Variants in TEX36 observed in about 807,000 individuals in gnomAD.
TEX36 encodes testis expressed 36.
TEX36 carries 12 observed loss-of-function variants against 13.6 expected under a neutral mutation model. That is an observed-to-expected ratio of 0.88 (90% confidence interval 0.56 to 1.43). The LOEUF (loss-of-function observed/expected upper bound fraction) is 1.43. Among genes scored for constraint, TEX36 ranks in the 40% most tolerant of loss-of-function variants. The pLI, the probability that TEX36 is intolerant of heterozygous loss-of-function variation, is 0.00. For synonymous variants in TEX36, 93 were observed against 83.0 expected, an observed-to-expected ratio of 1.12 and a Z score of -0.65; for missense variants, 224 against 228.3, an observed-to-expected ratio of 0.98 and a Z score of 0.12.
At position 125,683,043 on chromosome 10, in the gene TEX36, C is replaced by G; in HGVS notation, c.-54G>C. 1.3e-6 allele frequency: 2 copies of G among 1,541,968 alleles called. No individual in the cohort carries two copies. The highest frequency in any genetic ancestry group is 1.8e-6 in the Non-Finnish European group (2 of 1,138,128). On this transcript the variant is annotated 5_prime_UTR_variant, in exon 1 of 4. Coordinates refer to ENST00000368821, the MANE Select transcript of TEX36 (RefSeq NM_001128202.3). ...ATTGGCTCCCTCACCTCTCCATAAG[C>G]TCTACATGTCTGGGAAGCTGCTTCC...
intron 3 of TEX36, among the ~76,000 whole-genome samples, chr10:125,600,404 CA>C (rs1301523426): frequency 2.0e-5 from 3 of 151,982 alleles, no homozygotes; most frequent in East Asian, 1.9e-4. Flanking sequence ...TGGGAGTGAT[CA>C]GGGGGGTCTC....
Position 125,610,999 on chromosome 10 carries a change from T to A in TEX36, c.265-34125A>T, listed in dbSNP as rs72841549. Among the ~76,000 whole-genome samples, 202 of 152,346 alleles carry A rather than the reference T, an allele frequency of 1.3e-3. 1 individual carries two copies. The highest frequency in any genetic ancestry group is 4.7e-3 in the African/African-American group (194 of 41,582). Reference sequence around the variant, plus strand: ...CGTGGATGTGTGGTTCTGGCCTCCCTATGAATTTTTCAGTTGTGTAACCTG... The same window carrying A: ...CGTGGATGTGTGGTTCTGGCCTCCCAATGAATTTTTCAGTTGTGTAACCTG... On this transcript the variant is annotated intron_variant, in intron 3 of 3. Transcript: ENST00000532135.
chr10:125,598,665 CT>C (rs1406181214), intron 3 of TEX36, among the ~76,000 whole-genome samples: 9 of 152,172 alleles, frequency 5.9e-5, no homozygotes, highest in African/African-American at 1.9e-4. Context: ...GTAGATTTTA[CT>C]GATTTTTGCT....
downstream of TEX36, among the ~76,000 whole-genome samples, chr10:125,619,682 G>A (rs565457120): frequency 3.3e-5 from 5 of 151,666 alleles, no homozygotes; most frequent in South Asian, 4.2e-4. Flanking sequence ...TCAGCCTCCC[G>A]AGTATCTGGG....
intron 3 of TEX36, among the ~76,000 whole-genome samples, chr10:125,590,553 C>T (rs755907460): frequency 5.9e-5 from 9 of 151,990 alleles, no homozygotes; most frequent in Admixed American, 1.3e-4. Flanking sequence ...GCTCAAAATG[C>T]GGCAGATATT....
chr10:125,667,379 A>G, intron 1 of TEX36: 2 of 647,930 alleles, frequency 3.1e-6, no homozygotes, highest in Non-Finnish European at 3.0e-6. Context: ...ATTAGGGGGG[A>G]TCTCAGGCTC....
At chr10:125,613,788 A>G (rs1490639077) in intron 3 of TEX36, among the ~76,000 whole-genome samples, 1 of 152,170 alleles carries the variant, frequency 6.6e-6, no homozygotes, top group South Asian at 2.1e-4. Flanking sequence ...TCCTTTGGGT[A>G]TATACCCAGT....
intron 3 of TEX36, among the ~76,000 whole-genome samples, chr10:125,593,492 C>T (rs993123437): frequency 7.2e-5 from 11 of 152,200 alleles, no homozygotes; most frequent in Non-Finnish European, 1.0e-4. Context: ...ATAAAGTCTT[C>T]GGTGCTTGCC....
At chr10:125,669,337 G>A (rs1043656652) in intron 1 of TEX36, among the ~76,000 whole-genome samples, 1 of 151,754 alleles carries the variant, frequency 6.6e-6, no homozygotes, top group African/African-American at 2.4e-5. Flanking sequence ...AAACTTAGCT[G>A]GGCATGGTGG....
intron 3 of TEX36, among the ~76,000 whole-genome samples, chr10:125,611,407 A>G (rs1846288230): frequency 6.6e-6 from 1 of 152,226 alleles, no homozygotes; most frequent in Non-Finnish European, 1.5e-5. Context: ...CATAACCTGA[A>G]TAAATAAAAA....
intron 3 of TEX36, among the ~76,000 whole-genome samples, chr10:125,601,930 G>T (rs1589749506): frequency 6.6e-6 from 1 of 152,322 alleles, no homozygotes; most frequent in East Asian, 1.9e-4. Context: ...TGCATGCGGG[G>T]TGTCTTCCTT....
intron 3 of TEX36, among the ~76,000 whole-genome samples, chr10:125,626,720 C>A (rs553179818): frequency 6.6e-6 from 1 of 152,218 alleles, no homozygotes; most frequent in South Asian, 2.1e-4. Flanking sequence ...GAACTCGGAA[C>A]CAGCAGCTGG....
At chr10:125,647,855 T>C (rs1001414832) in intron 3 of TEX36, among the ~76,000 whole-genome samples, 10 of 152,224 alleles carry the variant, frequency 6.6e-5, no homozygotes, top group African/African-American at 1.9e-4. Flanking sequence ...CAGGAGATTA[T>C]ATCCCGCGCC....
intron 3 of TEX36, among the ~76,000 whole-genome samples, chr10:125,630,341 T>C (rs1846536890): frequency 6.6e-6 from 1 of 152,170 alleles, no homozygotes; most frequent in Non-Finnish European, 1.5e-5. Context: ...CTGGATACAC[T>C]TGAAGGCTTG....
intron 3 of TEX36, among the ~76,000 whole-genome samples, chr10:125,594,216 T>C (rs944685135): frequency 6.6e-6 from 1 of 152,238 alleles, no homozygotes; most frequent in Admixed American, 6.5e-5. Context: ...TAGCCAACTG[T>C]CTTCTCGAAT....
intron 3 of TEX36, among the ~76,000 whole-genome samples, chr10:125,610,030 T>G (rs1396772712): frequency 6.6e-6 from 1 of 152,194 alleles, no homozygotes; most frequent in Non-Finnish European, 1.5e-5. Flanking sequence ...ATGAGCATAC[T>G]AAAGGACACT....
intron 3 of TEX36, among the ~76,000 whole-genome samples, chr10:125,590,355 A>T (rs1292369363): frequency 6.6e-6 from 1 of 152,006 alleles, no homozygotes; most frequent in Non-Finnish European, 1.5e-5. Context: ...GGCCCAGGTG[A>T]TCCTCCCACC....
In TEX36 at chr10:125,639,342, T is replaced by C. The variant is rs117577660; in HGVS notation, c.265-17697A>G. 2.2e-3 allele frequency among the ~76,000 whole-genome samples: 337 copies of C among 152,324 alleles called. 1 individual carries two copies. Among genetic ancestry groups the C allele is most frequent in the Non-Finnish European group, 4.4e-3 (298 of 68,036 alleles). ...CATCCCTAGCTCCAAATCTCAGCTATTGCAAGGGGCCTGCTGCATCTCACT... is the reference window on the plus strand; with the variant it reads ...CATCCCTAGCTCCAAATCTCAGCTACTGCAAGGGGCCTGCTGCATCTCACT... On this transcript the variant is annotated intron_variant, in intron 3 of 3. Transcript: ENST00000526819.
chr10:125,608,275 GT>G (rs376014656), intron 3 of TEX36, among the ~76,000 whole-genome samples: 39,347 of 131,404 alleles, frequency 0.3, 6,334 homozygotes, highest in African/African-American at 0.58. Flanking sequence ...CCTATAGATT[GT>G]GATGATGGTG....
Sources: allele counts gnomAD v4.1 joint callset (sites outside exome capture counted in the v4.1 genomes callset), GRCh38; gene constraint gnomAD v4.1.1; transcripts MANE v1.5; gene names NCBI Gene and HGNC (gene_info 2026-07-23, HGNC 2026-07-21).